The following PLA2G4F variants were observed in gnomAD, a reference collection of about 807,000 sequenced individuals.
PLA2G4F encodes phospholipase A2 group IVF.
A neutral mutation model predicts 103.1 loss-of-function variants in PLA2G4F; 105 were observed. That is an observed-to-expected ratio of 1.02 (90% CI 0.87 to 1.20). The LOEUF (loss-of-function observed/expected upper bound fraction) is 1.20, where lower values mean the gene tolerates loss of function less well. PLA2G4F is among the 50% of genes most tolerant of loss of function. The pLI, the probability that PLA2G4F is intolerant of heterozygous loss-of-function variation, is 0.00. For missense variants in PLA2G4F, 1,155 were observed against 1,075.9 expected (o/e 1.07, Z -1.03); for synonymous variants, 468 against 441.1 (o/e 1.06, Z -0.76).
At chr15:42,147,804 C>A (rs759593195) in intron 11 of PLA2G4F, 42 bp from the exon 12 acceptor site, 3 of 1,608,442 alleles carry the variant, frequency 1.9e-6, no homozygotes, top group East Asian at 2.2e-5. Context: ...CGACTACCAC[C>A]GTCATTGACG....
intron 4 of PLA2G4F, 98 bp downstream of exon 4, chr15:42,153,994 G>C: frequency 6.4e-7 from 1 of 1,551,188 alleles, no homozygotes; most frequent in African/African-American, 1.4e-5. Flanking sequence ...GTCTGCCTTG[G>C]AGGCTTGGCC....
At chr15:42,145,936 G>A (rs776562967) in intron 14 of PLA2G4F, 33 bp from the exon 15 acceptor site, 4 of 1,610,018 alleles carry the variant, frequency 2.5e-6, no homozygotes, top group Non-Finnish European at 8.5e-7. Flanking sequence ...AGTCACCAGG[G>A]GCTTCCCACC....
chr15:42,145,429 T>C lies in PLA2G4F; in HGVS notation c.1780+146A>G, dbSNP rs1337785860. ...CATACCTCTGGGCATCTAGACACCCTAAGCTAGAAGTCATTTCCTCAGGAC... is the reference window on the plus strand; with the variant it reads ...CATACCTCTGGGCATCTAGACACCCCAAGCTAGAAGTCATTTCCTCAGGAC... On this transcript the variant is annotated intron_variant, in intron 16 of 19. Coordinates refer to ENST00000397272, the MANE Select transcript of PLA2G4F (RefSeq NM_213600.4). 3 of 799,724 alleles carry C rather than the reference T, an allele frequency of 3.8e-6. No homozygotes were observed. In the East Asian group the frequency reaches 7.6e-5, roughly 20 times the overall value. The allele number at this position is 799,724 out of a possible 1,614,324, so 49.5% of individuals were successfully genotyped here. A position where few individuals can be genotyped will look rare whatever the true frequency, so the allele number is the denominator to read the frequency against.
chr15:42,144,354 C>A (rs2048857638), intron 17 of PLA2G4F, 96 bp downstream of exon 17: 3 of 1,519,636 alleles, frequency 2.0e-6, no homozygotes, highest in Admixed American at 1.7e-5. Flanking sequence ...GGAGACCACA[C>A]CTCAACCCCC....
In PLA2G4F at chr15:42,141,173, C is replaced by A. The variant is rs2048824099; in HGVS notation, c.*811G>T. 1 of 452,640 alleles carries A rather than the reference C, an allele frequency of 2.2e-6. No individual in the cohort carries two copies. 28.0% of individuals were successfully genotyped at this position (452,640 alleles called of 1,614,324 possible). A position where few individuals can be genotyped will look rare whatever the true frequency, so the allele number is the denominator to read the frequency against. ...AGGTGCACACCTCTCCCCCGATGAA[C>A]TGATGCCCCTACTAGACACACCCAT... On this transcript the variant is annotated 3_prime_UTR_variant, in exon 20 of 20. Coordinates refer to ENST00000397272, the MANE Select transcript of PLA2G4F (RefSeq NM_213600.4).
chr15:42,153,209 C>T, intron 6 of PLA2G4F, 91 bp downstream of exon 6: 10 of 1,424,520 alleles, frequency 7.0e-6, no homozygotes, highest in Non-Finnish European at 8.7e-6. Context: ...CTTGGGTGTC[C>T]TTCAGAGGCA....
intron 11 of PLA2G4F, chr15:42,148,762 C>G: frequency 1.0e-6 from 1 of 985,366 alleles, no homozygotes; most frequent in Non-Finnish European, 1.2e-6. Context: ...CTTAGCTTTC[C>G]CAGTAAGATT....
intron 1 of PLA2G4F, among the ~76,000 whole-genome samples, chr15:42,156,164 C>G (rs1437114496): frequency 6.6e-6 from 1 of 152,164 alleles, no homozygotes; most frequent in Non-Finnish European, 1.5e-5. Context: ...CACAACCCCA[C>G]CAGCTCCGTG....
At position 42,147,312 on chromosome 15, in the gene PLA2G4F, A is replaced by G. The variant is rs2048902115; in HGVS notation, c.1231T>C (p.Ser411Pro). 3 of 1,609,554 alleles carry G rather than the reference A, an allele frequency of 1.9e-6. No individual in the cohort carries two copies. Among genetic ancestry groups the G allele is most frequent in the Non-Finnish European group, 2.5e-6 (3 of 1,179,946 alleles). The change falls in exon 13 of 20, where the codon TCC (serine) becomes CCC (proline). Residue 411 changes from serine (S) to proline (P), a missense_variant. Physicochemically the swap from Ser to Pro is moderately conservative, Grantham distance 74. Coordinates refer to ENST00000397272, the MANE Select transcript of PLA2G4F (RefSeq NM_213600.4). ...ISTLYRDPAW[S>P]QVALQGPIER... is the part of the protein sequence containing the mutation. The stretch of plus-strand genomic sequence containing the variant: ...ATGGGGCCCTGCAAGGCCACCTGGG[A>G]CCAGGCTGGGTCCCTGTAGAGTGTG...
rs2048938331 is a variant in PLA2G4F at position 42,149,991 on chromosome 15, TC to T, written c.923+112del. 3 of 1,549,076 alleles carry T rather than the reference TC, an allele frequency of 1.9e-6. No individual in the cohort carries two copies. The African/African-American group carries it at 4.1e-5, about 21-fold the overall frequency. On this transcript the variant is annotated intron_variant, in intron 10 of 19. Transcript: ENST00000397272. Reference sequence around the variant, plus strand: ...CACCAGAACCAGGGAGGGAAAAATGTCATCCCCACCCCACGGCCTGAGCTTC... The same window carrying T: ...CACCAGAACCAGGGAGGGAAAAATGTATCCCCACCCCACGGCCTGAGCTTC...
At chr15:42,145,275 G>A (rs1056135160) in intron 16 of PLA2G4F, among the ~76,000 whole-genome samples, 7 of 152,172 alleles carry the variant, frequency 4.6e-5, no homozygotes, top group Non-Finnish European at 7.4e-5. Context: ...TGCACCGTGG[G>A]GCCCCCATGA....
chr15:42,153,644 T>A lies in PLA2G4F; in HGVS notation c.467A>T (p.Gln156Leu). ...PLNHQDSQEL[Q>L]VEFVLEKSQV... ...CCTCTTCTCCAGAACAAATTCCACC[T>A]GCAGCTCTTGTGAATCCTACATGGA... The change falls in exon 5 of 20, where the codon CAG (glutamine) becomes CTG (leucine). Residue 156 changes from glutamine to leucine, a missense_variant. By Grantham distance (113) the Gln-to-Leu change is moderately radical. This residue lies in a region of PLA2G4F where 370 missense variants were observed against 364.9 expected (regional missense o/e 1.01). Transcript: ENST00000397272. 1 of 1,614,168 alleles carries A rather than the reference T, an allele frequency of 6.2e-7. No individual in the cohort carries two copies. Among genetic ancestry groups the A allele is most frequent in the Non-Finnish European group, 8.5e-7 (1 of 1,180,012 alleles).
intron 11 of PLA2G4F, 108 bp from the exon 12 acceptor site, chr15:42,147,870 A>G (rs2048911111): frequency 6.8e-7 from 1 of 1,463,364 alleles, no homozygotes; most frequent in Admixed American, 2.1e-5. Context: ...GTATTATCTC[A>G]TTGAATCCTC....
rs546629346 is a variant in PLA2G4F at position 42,155,251 on chromosome 15, G to A, written c.184+266C>T. ...CTTGCACGCATGTATATACACACTCGTGTTCCCACACACTCGCACTCACAT... is the reference window on the plus strand; with the variant it reads ...CTTGCACGCATGTATATACACACTCATGTTCCCACACACTCGCACTCACAT... On this transcript the variant is annotated intron_variant, in intron 2 of 19. Coordinates refer to ENST00000397272, the MANE Select transcript of PLA2G4F (RefSeq NM_213600.4). Among the ~76,000 whole-genome samples, 5 of 150,328 alleles carry A rather than the reference G, an allele frequency of 3.3e-5. No homozygotes were observed. In the South Asian group the frequency reaches 8.5e-4, roughly 25 times the overall value.
In PLA2G4F at chr15:42,147,203, C is replaced by T; in HGVS notation, c.1340G>A (p.Gly447Glu). 6.2e-7 allele frequency: 1 copy of T among 1,613,064 alleles called. No homozygotes were observed. The highest frequency in any genetic ancestry group is 1.7e-5 in the Admixed American group (1 of 60,024). The change falls in exon 13 of 20, where the codon GGG becomes GAG. Residue 447 changes from glycine (G) to glutamate (E), a missense_variant. By Grantham distance (98) the Gly-to-Glu change is moderately conservative (BLOSUM62 -2). Transcript: ENST00000397272. The stretch of plus-strand genomic sequence containing the variant: ...GCTGTGGCCACTGCGCTCCCGGACC[C>T]CCAGTTCCTGAGTGTAGTACTGTAG... ...ERLQYYTQELGVRERSGHSVS... is the reference protein window; with the variant it reads ...ERLQYYTQELEVRERSGHSVS...
Position 42,147,168 on chromosome 15 carries a change from T to C in PLA2G4F, c.1375A>G (p.Ile459Val), listed in dbSNP as rs1342502313. The C allele has an allele frequency of 1.9e-6, 3 of 1,612,828 alleles. No homozygotes were observed. Among genetic ancestry groups the C allele is most frequent in the Non-Finnish European group, 2.5e-6 (3 of 1,179,954 alleles). ...RERSGHSVSL[I>V]DLWGLLVEYL... ...TCAACAAGGAGGCCCCAGAGGTCGATGAGGGACACGCTGTGGCCACTGCGC... is the reference window on the plus strand; with the variant it reads ...TCAACAAGGAGGCCCCAGAGGTCGACGAGGGACACGCTGTGGCCACTGCGC... Residue 459 changes from isoleucine (I) to valine (V), a missense_variant, in exon 13 of 20, where the codon ATC becomes GTC. Around this residue, in one of 3 missense-constraint regions of PLA2G4F, gnomAD observed 782 missense variants for 692.9 expected, o/e 1.13. Coordinates refer to ENST00000397272, the MANE Select transcript of PLA2G4F (RefSeq NM_213600.4).
rs138213395 is a variant in PLA2G4F at position 42,142,200 on chromosome 15, C to T, written c.2334G>A (p.Val778=). 1 of 1,610,224 alleles carries T rather than the reference C, an allele frequency of 6.2e-7. No homozygotes were observed. The highest frequency in any genetic ancestry group is 8.5e-7 in the Non-Finnish European group (1 of 1,177,836). The part of the protein sequence containing the change: ...RTFRTHLAPG[V]ERQTAEEKAF... ...CCTTCTCCTCAGCTGTTTGTCGCTC[C>T]ACACCTGTGGGTGGGGGAAGCAGAG... Residue 778 remains valine (V), a synonymous_variant, in exon 20 of 20, where the codon GTG becomes GTA. Transcript: ENST00000397272.
chr15:42,147,592 C>T (rs2048907011), intron 12 of PLA2G4F, 34 bp downstream of exon 12: 7 of 1,610,052 alleles, frequency 4.3e-6, no homozygotes, highest in Non-Finnish European at 5.1e-6. Flanking sequence ...TGTGGGGTCT[C>T]CTTTACCCTG....
At chr15:42,148,660 C>G in intron 11 of PLA2G4F, 1 of 985,394 alleles carries the variant, frequency 1.0e-6, no homozygotes, top group Non-Finnish European at 1.2e-6. Context: ...AGCAAGCAGC[C>G]TAGACCTGCC....
Sources: gnomAD v4.1 joint callset for allele counts (sites outside exome capture counted in the v4.1 genomes callset) on GRCh38, gnomAD v4.1.1 for gene constraint, gnomAD v4.1.1 regional missense constraint, MANE v1.5 for transcripts, NCBI Gene and HGNC (gene_info 2026-07-23, HGNC 2026-07-21) for gene names.